The following LDLRAD1 variants were observed in gnomAD, a reference collection of about 807,000 sequenced individuals.
LDLRAD1 encodes low-density lipoprotein receptor class A domain-containing protein 1.
In LDLRAD1, 17 loss-of-function variants were observed where a neutral mutation model predicts 24.8. The ratio of observed to expected loss-of-function variants is 0.69; its 90% CI spans 0.47 to 1.03. The LOEUF (loss-of-function observed/expected upper bound fraction) is 1.03, where lower values mean the gene tolerates loss of function less well. Ranked by LOEUF, LDLRAD1 falls within the 50% of genes least tolerant of loss-of-function variation. The pLI is 0.00. For missense variants in LDLRAD1, 277 were observed against 271.0 expected (o/e 1.02, Z -0.16); for synonymous variants, 103 against 108.2 (o/e 0.95, Z 0.30).
At position 54,010,423 on chromosome 1, in the gene LDLRAD1, A is replaced by G; in HGVS notation, c.341-13T>C. 1.2e-6 allele frequency: 2 copies of G among 1,613,656 alleles called. No individual in the cohort carries two copies. The highest frequency in any genetic ancestry group is 1.1e-5 in the South Asian group (1 of 91,050). ...TGGGGCACATCTCCTGTAGAGGTAC[A>G]GAGGAGGCAGGAAGAAGTCCACATC... On this transcript the variant is annotated splice_polypyrimidine_tract_variant and intron_variant, in intron 4 of 5. Transcript: ENST00000371360.
At chr1:54,015,614 G>C (rs955611192) in intron 2 of LDLRAD1, among the ~76,000 whole-genome samples, 4 of 151,804 alleles carry the variant, frequency 2.6e-5, no homozygotes, top group African/African-American at 9.7e-5. Context: ...CCAGGGCCCA[G>C]CCCAGAGCCA....
chr1:54,012,033 A>G, intron 4 of LDLRAD1, 110 bp downstream of exon 4: 1 of 1,309,284 alleles, frequency 7.6e-7, no homozygotes, highest in Admixed American at 1.9e-5. Flanking sequence ...AAGGCACTGG[A>G]GCATCAAAGC....
intron 3 of LDLRAD1, among the ~76,000 whole-genome samples, chr1:54,013,888 G>C (rs1207633365): frequency 1.3e-5 from 2 of 152,030 alleles, no homozygotes; most frequent in Non-Finnish European, 2.9e-5. Context: ...CACACAGTTG[G>C]ATAGCACCAC....
chr1:54,016,522 C>T (rs900068485), intron 2 of LDLRAD1, among the ~76,000 whole-genome samples: 1 of 152,180 alleles, frequency 6.6e-6, no homozygotes, highest in African/African-American at 2.4e-5. Flanking sequence ...CAGTCCTCTC[C>T]CTGTACCGAT....
At chr1:54,015,130 G>C (rs774313411) in intron 2 of LDLRAD1, among the ~76,000 whole-genome samples, 104 of 152,118 alleles carry the variant, frequency 6.8e-4, no homozygotes, top group Non-Finnish European at 1.3e-3. Flanking sequence ...TTTAGAGATA[G>C]GGTCTGGCTC....
In LDLRAD1 at chr1:54,014,392, G is replaced by A. The variant is rs769666186; in HGVS notation, c.74-28C>T. On this transcript the variant is annotated intron_variant, in intron 2 of 5. Transcript: ENST00000371360. ...GTGTGGGGGGGAAACAAGCCCGGGG[G>A]TGGTGGTGATAGGGGGCCAGCGCTA... 47 of 1,525,732 alleles carry A rather than the reference G, an allele frequency of 3.1e-5. 1 individual carries two copies. The highest frequency in any genetic ancestry group is 4.0e-5 in the Admixed American group (2 of 50,564). 94.5% of individuals were successfully genotyped at this position (1,525,732 alleles called of 1,614,324 possible). A position where few individuals can be genotyped will look rare whatever the true frequency, so the allele number is the denominator to read the frequency against.
intron 2 of LDLRAD1, among the ~76,000 whole-genome samples, chr1:54,015,005 T>C (rs1264750570): frequency 6.6e-6 from 1 of 152,258 alleles, no homozygotes; most frequent in Non-Finnish European, 1.5e-5. Flanking sequence ...ATGGGTACCA[T>C]AATAGCTACC....
chr1:54,017,699 T>G (rs1456763973), intron 1 of LDLRAD1, among the ~76,000 whole-genome samples: 1 of 152,082 alleles, frequency 6.6e-6, no homozygotes, highest in Non-Finnish European at 1.5e-5. Context: ...CAGCGACTCC[T>G]GGGTGAGGCT....
In LDLRAD1 at chr1:54,008,756, T is replaced by C; in HGVS notation, c.*226A>G. 1 of 470,382 alleles carries C rather than the reference T, an allele frequency of 2.1e-6. No individual in the cohort carries two copies. The highest frequency in any genetic ancestry group is 3.8e-6 in the Non-Finnish European group (1 of 262,728). The allele number at this position is 470,382 out of a possible 1,614,324, so 29.1% of individuals were successfully genotyped here. A position where few individuals can be genotyped will look rare whatever the true frequency, so the allele number is the denominator to read the frequency against. ...GTAGAGACGGGGTTCCACCACATCA[T>C]CTTTGTTAGAAGCCACCTAACATGG... On this transcript the variant is annotated 3_prime_UTR_variant, in exon 6 of 6. Coordinates refer to ENST00000371360, the MANE Select transcript of LDLRAD1 (RefSeq NM_001010978.4).
chr1:54,014,966 C>T (rs1656240259), intron 2 of LDLRAD1, among the ~76,000 whole-genome samples: 1 of 152,174 alleles, frequency 6.6e-6, no homozygotes, highest in African/African-American at 2.4e-5. Context: ...CACTTCACTT[C>T]CCTGTGCCTC....
At chr1:54,017,238 G>A in intron 2 of LDLRAD1, 138 bp downstream of exon 2, 1 of 672,510 alleles carries the variant, frequency 1.5e-6, no homozygotes, top group South Asian at 1.9e-5. Flanking sequence ...CCAGGAAGCT[G>A]GGAGCAGACA....
Position 54,013,388 on chromosome 1 carries a change from A to G in LDLRAD1, c.202+848T>C, listed in dbSNP as rs150053756. 9.3e-4 allele frequency among the ~76,000 whole-genome samples: 109 copies of G among 117,012 alleles called. 1 individual carries two copies. In the East Asian group the frequency reaches 0.02, roughly 21 times the overall value. 76.8% of individuals were successfully genotyped at this position (117,012 alleles called of 152,430 possible). ...GCCCCCGCCCCCACCTCAGCCCTCTATACCCACCCTGCCTGGCTGCAGAGC... is the reference window on the plus strand; with the variant it reads ...GCCCCCGCCCCCACCTCAGCCCTCTGTACCCACCCTGCCTGGCTGCAGAGC... On this transcript the variant is annotated intron_variant, in intron 3 of 5. Transcript: ENST00000371360.
At chr1:54,011,999 G>C (rs902639998) in intron 4 of LDLRAD1, 144 bp downstream of exon 4, 1 of 917,468 alleles carries the variant, frequency 1.1e-6, no homozygotes, top group Non-Finnish European at 1.6e-6. Context: ...ACTGGGACCA[G>C]GTCGGGGCAG....
Position 54,014,359 on chromosome 1 carries a change from C to G in LDLRAD1, c.79G>C (p.Gly27Arg). 1 of 1,547,280 alleles carries G rather than the reference C, an allele frequency of 6.5e-7. No individual in the cohort carries two copies. Among genetic ancestry groups the G allele is most frequent in the Non-Finnish European group, 8.7e-7 (1 of 1,146,196 alleles). ...CGACGTGAGCAGCAGAGGTGGCCGC[C>G]GCCTGCTGTGTGGGGGGGAAACAAG... ...SKAHPGGEAG[G>R]GHLCCSRRGA... Residue 27 changes from glycine (G) to arginine (R), a missense_variant, in exon 3 of 6, where the codon GGC (glycine) becomes CGC (arginine). Transcript: ENST00000371360.
chr1:54,014,018 C>T (rs1420213499), intron 3 of LDLRAD1, among the ~76,000 whole-genome samples: 1 of 152,028 alleles, frequency 6.6e-6, no homozygotes, highest in Admixed American at 6.5e-5. Flanking sequence ...AGAGCTGGGT[C>T]CTCTCAATAA....
At chr1:54,017,946 C>G (rs1656381838) in intron 1 of LDLRAD1, 146 bp downstream of exon 1, 1 of 783,566 alleles carries the variant, frequency 1.3e-6, no homozygotes, top group Non-Finnish European at 2.3e-6. Context: ...CTCCCAAGAT[C>G]AGGAGCCTGG....
intron 2 of LDLRAD1, 96 bp downstream of exon 2, chr1:54,017,280 A>G: frequency 2.1e-6 from 2 of 963,064 alleles, no homozygotes; most frequent in Non-Finnish European, 3.2e-6. Flanking sequence ...TCTGAGGGAC[A>G]GTGGGAGCCT....
intron 1 of LDLRAD1, 102 bp downstream of exon 1, chr1:54,017,990 T>G: frequency 9.1e-7 from 1 of 1,095,764 alleles, no homozygotes; most frequent in South Asian, 1.2e-5. Flanking sequence ...CAGCTCTTAC[T>G]TGGAGACAAC....
chr1:54,014,616 C>A (rs1656220697), intron 2 of LDLRAD1, among the ~76,000 whole-genome samples: 1 of 152,184 alleles, frequency 6.6e-6, no homozygotes, highest in Non-Finnish European at 1.5e-5. Context: ...GGCGGACAGC[C>A]CTCCCCTCCC....
Sources: gnomAD v4.1 joint callset for allele counts (sites outside exome capture counted in the v4.1 genomes callset) on GRCh38, gnomAD v4.1.1 for gene constraint, MANE v1.5 for transcripts, NCBI Gene and HGNC (gene_info 2026-07-23, HGNC 2026-07-21) for gene names.